FOXP1: variants seen among roughly 807,000 people sequenced by gnomAD.
The protein encoded by FOXP1 is forkhead box P1, also known as forkhead box protein P1.
FOXP1 carries 15 observed loss-of-function variants against 98.2 expected under a neutral mutation model. That is an observed-to-expected ratio of 0.15 (90% confidence interval 0.10 to 0.24). FOXP1 has a LOEUF of 0.24. FOXP1 is among the 10% of genes least tolerant of loss of function. The pLI, the probability that FOXP1 is intolerant of heterozygous loss-of-function variation, is 1.00. For missense variants in FOXP1, 633 were observed against 848.5 expected, an observed-to-expected ratio of 0.75 and a Z score of 3.15; for synonymous variants, 371 against 314.5, an observed-to-expected ratio of 1.18 and a Z score of -1.90.
At chr3:71,511,056 T>C (rs750334332) in intron 2 of FOXP1, among the ~76,000 whole-genome samples, 1 of 152,242 alleles carries the variant, frequency 6.6e-6, no homozygotes, top group Non-Finnish European at 1.5e-5. Context: ...GGCAGTTCTT[T>C]CCTTCGGTGA....
chr3:71,118,842 GC>G (rs1297170422), intron 6 of FOXP1, among the ~76,000 whole-genome samples: 69 of 152,284 alleles, frequency 4.5e-4, no homozygotes, highest in African/African-American at 1.5e-3. Context: ...ATACAGTTAA[GC>G]TCATTCCCTT....
chr3:71,560,770 G>C (rs1054401462), intron 2 of FOXP1, among the ~76,000 whole-genome samples: 1 of 152,142 alleles, frequency 6.6e-6, no homozygotes, highest in Non-Finnish European at 1.5e-5. Context: ...GGTAATCCTT[G>C]AAAATATCCT....
chr3:71,134,102 C>T (rs1185707184), intron 6 of FOXP1, among the ~76,000 whole-genome samples: 2 of 151,882 alleles, frequency 1.3e-5, no homozygotes, highest in African/African-American at 2.4e-5. Context: ...AGCCCAAACC[C>T]GCTCACACTG....
chr3:71,240,428 G>A (rs1171854640), intron 5 of FOXP1, among the ~76,000 whole-genome samples: 3 of 152,230 alleles, frequency 2.0e-5, no homozygotes, highest in African/African-American at 2.4e-5. Flanking sequence ...TGTGCAAAGC[G>A]TTTCCATTCT....
At chr3:71,571,454 G>A (rs1450310472) in intron 2 of FOXP1, 1 of 151,976 alleles carries the variant, frequency 6.6e-6, no homozygotes, top group Non-Finnish European at 1.5e-5. Context: ...TACTCATTTT[G>A]TTTAACATCT....
chr3:71,544,318 A>G (rs534855498), intron 2 of FOXP1, among the ~76,000 whole-genome samples: 165 of 151,660 alleles, frequency 1.1e-3, no homozygotes, highest in Non-Finnish European at 2.2e-3. Context: ...GCATTGGTCA[A>G]TTACATATAT....
intron 9 of FOXP1, among the ~76,000 whole-genome samples, chr3:71,047,662 C>T (rs2049215896): frequency 6.6e-6 from 1 of 152,180 alleles, no homozygotes; most frequent in Non-Finnish European, 1.5e-5. Flanking sequence ...GAAACAGCCA[C>T]TAGATTTTAA....
intron 6 of FOXP1, among the ~76,000 whole-genome samples, chr3:71,161,347 C>G (rs1560043251): frequency 2.0e-5 from 3 of 152,122 alleles, no homozygotes; most frequent in African/African-American, 7.2e-5. Context: ...GTGGGTACTT[C>G]AGTTCTTCCT....
At chr3:71,522,226 T>A (rs1184362148) in intron 2 of FOXP1, among the ~76,000 whole-genome samples, 1 of 152,196 alleles carries the variant, frequency 6.6e-6, no homozygotes, top group Admixed American at 6.5e-5. Flanking sequence ...CCTGGGCTCA[T>A]CTGTCCACGC....
intron 3 of FOXP1, among the ~76,000 whole-genome samples, chr3:71,379,114 T>C (rs908604086): frequency 1.8e-4 from 27 of 152,138 alleles, no homozygotes; most frequent in South Asian, 8.3e-4. Flanking sequence ...TGGTTTTTAG[T>C]TAATGTTGAA....
chr3:71,381,392 C>A (rs2080161624), intron 3 of FOXP1, among the ~76,000 whole-genome samples: 1 of 150,930 alleles, frequency 6.6e-6, no homozygotes, highest in Admixed American at 6.6e-5. Context: ...CCCTCCTCGG[C>A]CTCCCAAAGT....
intron 2 of FOXP1, among the ~76,000 whole-genome samples, chr3:71,545,970 A>G (rs989570473): frequency 2.6e-5 from 4 of 152,236 alleles, no homozygotes; most frequent in African/African-American, 9.6e-5. Flanking sequence ...AAAGTCCAAA[A>G]TTCTAGCCAA....
intron 16 of FOXP1, among the ~76,000 whole-genome samples, 184 bp from the exon 17 acceptor site, chr3:70,977,226 C>T (rs945039706): frequency 5.3e-5 from 8 of 152,094 alleles, no homozygotes; most frequent in African/African-American, 1.9e-4. Context: ...ATGGAATTAT[C>T]TAATTGTTTT....
intron 5 of FOXP1, among the ~76,000 whole-genome samples, chr3:71,294,543 A>G (rs768252560): frequency 3.3e-5 from 5 of 152,132 alleles, no homozygotes; most frequent in Non-Finnish European, 5.9e-5. Flanking sequence ...ACGGTGCTAT[A>G]ATCTCAGCAC....
chr3:71,153,616 T>A (rs2060679787), intron 6 of FOXP1, among the ~76,000 whole-genome samples: 1 of 151,860 alleles, frequency 6.6e-6, no homozygotes, highest in Non-Finnish European at 1.5e-5. Context: ...AAATGACAAC[T>A]GAAGATACAC....
intron 6 of FOXP1, among the ~76,000 whole-genome samples, chr3:71,137,285 A>G (rs762061519): frequency 2.0e-5 from 3 of 152,056 alleles, no homozygotes; most frequent in Non-Finnish European, 4.4e-5. Flanking sequence ...TCTCTTCTCC[A>G]TATCCCTTTA....
chr3:71,527,958 T>A (rs1313299264), intron 2 of FOXP1, among the ~76,000 whole-genome samples: 1 of 152,246 alleles, frequency 6.6e-6, no homozygotes, highest in Non-Finnish European at 1.5e-5. Flanking sequence ...AGACAGCAAT[T>A]CTGCAGTAAT....
At chr3:71,488,868 G>A (rs2090856916) in intron 3 of FOXP1, among the ~76,000 whole-genome samples, 1 of 152,182 alleles carries the variant, frequency 6.6e-6, no homozygotes, top group South Asian at 2.1e-4. Context: ...TTATGAAAGA[G>A]ACCAAAATAC....
rs1025821158 is a variant in FOXP1 at position 71,273,451 on chromosome 3, C to T, written c.-12+26369G>A. ...CCCTAACTCAACTGCTTCCTTCTCT[C>T]CTCTAATCCCCTTGCCTTGGCAGGT... On this transcript the variant is annotated intron_variant, in intron 5 of 20. Coordinates refer to ENST00000649528, the MANE Select transcript of FOXP1 (RefSeq NM_001349338.3). Among the ~76,000 whole-genome samples the T allele has an allele frequency of 5.9e-5, 9 of 152,226 alleles. No homozygotes were observed. The East Asian group carries it at 1.7e-3, about 29-fold the overall frequency.
Sources: allele counts gnomAD v4.1 joint callset (sites outside exome capture counted in the v4.1 genomes callset), GRCh38; gene constraint gnomAD v4.1.1; transcripts MANE v1.5; gene names NCBI Gene and HGNC (gene_info 2026-07-23, HGNC 2026-07-21).